The following OSBPL1A variants were observed in gnomAD, a reference collection of about 807,000 sequenced individuals.
The protein encoded by OSBPL1A is oxysterol-binding protein-related protein 1.
Under a neutral mutation model 137.1 loss-of-function variants are expected in OSBPL1A, and 80 were observed. That is an observed-to-expected ratio of 0.58 (90% CI 0.49 to 0.70). The LOEUF is 0.70. Among genes scored for constraint, OSBPL1A ranks in the 30% least tolerant of loss-of-function variants. The pLI, the probability that OSBPL1A is intolerant of heterozygous loss-of-function variation, is 0.00. For missense variants in OSBPL1A, 970 were observed against 1,129.4 expected, an observed-to-expected ratio of 0.86 and a Z score of 2.02; for synonymous variants, 365 against 389.7, an observed-to-expected ratio of 0.94 and a Z score of 0.75.
At chr18:24,329,160 T>C (rs1303075484) in intron 7 of OSBPL1A, among the ~76,000 whole-genome samples, 1 of 151,968 alleles carries the variant, frequency 6.6e-6, no homozygotes. Flanking sequence ...GGCAAAAGGG[T>C]CACTTGAGCT....
Position 24,314,240 on chromosome 18 carries a change from T to C in OSBPL1A, c.969+9A>G, listed in dbSNP as rs2090677071. 1.3e-6 allele frequency: 2 copies of C among 1,560,272 alleles called. No individual in the cohort carries two copies. The highest frequency in any genetic ancestry group is 1.7e-6 in the Non-Finnish European group (2 of 1,145,686). On this transcript the variant is annotated intron_variant, in intron 12 of 27. Transcript: ENST00000319481. ...GTTTTAGGAAAGATACATGAATCCA[T>C]AAGATTACCTCTCTTGACTGCTGAA...
Position 24,252,776 on chromosome 18 carries a change from A to C in OSBPL1A, c.1282-13394T>G, listed in dbSNP as rs369430474. Among the ~76,000 whole-genome samples, 6 of 152,226 alleles carry C rather than the reference A, an allele frequency of 3.9e-5. No individual in the cohort carries two copies. In the East Asian group the frequency reaches 1.2e-3, roughly 29 times the overall value. On this transcript the variant is annotated intron_variant, in intron 15 of 27. Transcript: ENST00000319481. ...TAATAACAACAACTTTTCAAGACAT[A>C]GACAGTATAAGACATAAAAAGGAAC...
At position 24,366,925 on chromosome 18, in the gene OSBPL1A, C is replaced by G. The variant is rs756662383; in HGVS notation, c.249G>C (p.Thr83=). The change falls in exon 4 of 28, where the codon ACG becomes ACC. Residue 83 remains threonine (T), a synonymous_variant. Coordinates refer to ENST00000319481, the MANE Select transcript of OSBPL1A (RefSeq NM_080597.4). Reference sequence around the variant, plus strand: ...CTGTAAAGGCAGCTCGATGAAGCGGCGTGTCTCCCATGTCATTCAACACAT... The same window carrying G: ...CTGTAAAGGCAGCTCGATGAAGCGGGGTGTCTCCCATGTCATTCAACACAT... ...EVNVLNDMGD[T]PLHRAAFTGR... The G allele has an allele frequency of 6.2e-7, 1 of 1,611,770 alleles. No homozygotes were observed. The highest frequency in any genetic ancestry group is 2.2e-5 in the East Asian group (1 of 44,762).
rs540836216 is a variant in OSBPL1A at position 24,331,642 on chromosome 18, C to T, written c.625+1300G>A. On this transcript the variant is annotated intron_variant, in intron 7 of 27. Coordinates refer to ENST00000319481, the MANE Select transcript of OSBPL1A (RefSeq NM_080597.4). ...CGATCTCCTGACCTCGTGATCCGCC[C>T]GCCTCGGCCTCCCAAAGTGCTGGGA... is the stretch of plus-strand genomic sequence containing the variant. 1.2e-4 allele frequency among the ~76,000 whole-genome samples: 18 copies of T among 151,294 alleles called. No individual in the cohort carries two copies. In the East Asian group the frequency reaches 2.2e-3, roughly 18 times the overall value.
chr18:24,384,822 C>T (rs1183313253), intron 1 of OSBPL1A, among the ~76,000 whole-genome samples: 3 of 148,544 alleles, frequency 2.0e-5, no homozygotes, highest in East Asian at 2.0e-4. Flanking sequence ...TGCAGTGAGC[C>T]GAGAACGCGC....
chr18:24,355,006 C>A (rs1200379136), intron 4 of OSBPL1A, among the ~76,000 whole-genome samples: 1 of 152,126 alleles, frequency 6.6e-6, no homozygotes, highest in Non-Finnish European at 1.5e-5. Flanking sequence ...TTTCCCCACA[C>A]CACCCCTTGC....
intron 16 of OSBPL1A, among the ~76,000 whole-genome samples, chr18:24,237,505 A>AT (rs2088524473): frequency 6.6e-6 from 1 of 152,106 alleles, no homozygotes; most frequent in African/African-American, 2.4e-5. Flanking sequence ...GGGTTTCACC[A>AT]TGTTGCCCAG....
chr18:24,166,780 G>A, intron 25 of OSBPL1A, 78 bp from the exon 26 acceptor site: 1 of 1,437,840 alleles, frequency 7.0e-7, no homozygotes, highest in South Asian at 1.3e-5. Flanking sequence ...GTAGAAGAGG[G>A]TTGACTTGAC....
chr18:24,327,321 C>T (rs2091000571), intron 7 of OSBPL1A, among the ~76,000 whole-genome samples: 1 of 151,852 alleles, frequency 6.6e-6, no homozygotes, highest in Admixed American at 6.6e-5. Context: ...TGGCCTTGAA[C>T]TCCTGACCTC....
At chr18:24,281,544 T>G (rs1434497803) in intron 14 of OSBPL1A, among the ~76,000 whole-genome samples, 1 of 151,676 alleles carries the variant, frequency 6.6e-6, no homozygotes, top group Admixed American at 6.6e-5. Flanking sequence ...CACGCTATCA[T>G]GCCTGGCTAA....
rs543324128 is a variant in OSBPL1A, at chr18:24,385,105, C to T, written c.-2-7570G>A. 6.6e-3 allele frequency among the ~76,000 whole-genome samples: 1,000 copies of T among 151,926 alleles called. 10 individuals are homozygous for T. Among genetic ancestry groups the T allele is most frequent in the African/African-American group, 0.023 (951 of 41,468 alleles). On this transcript the variant is annotated intron_variant, in intron 1 of 27. Coordinates refer to ENST00000319481, the MANE Select transcript of OSBPL1A (RefSeq NM_080597.4). ...AAGTAGCTGGGACTACAGGCGCCCG[C>T]CACCACACCCGGCTAATTTTTTGTA...
In OSBPL1A at chr18:24,204,591, T is replaced by A. The variant is rs2087317382; in HGVS notation, c.1602-8391A>T. 2.6e-5 allele frequency among the ~76,000 whole-genome samples: 4 copies of A among 151,472 alleles called. No homozygotes were observed. In the South Asian group the frequency reaches 8.3e-4, roughly 32 times the overall value. ...TTTTTTTTAAACATGATGTTCCCAT[T>A]CTCTAAATGATATATATATATTTCT... On this transcript the variant is annotated intron_variant, in intron 17 of 27. Transcript: ENST00000319481.
chr18:24,163,148 G>A lies in OSBPL1A; in HGVS notation c.*31C>T, dbSNP rs1297836051. On this transcript the variant is annotated 3_prime_UTR_variant, in exon 28 of 28. Transcript: ENST00000319481. ...AACATAGGTTTAAGACTTATTTGTAGATTAGCCAAACACCCTGACTTGTAT... is the reference window on the plus strand; with the variant it reads ...AACATAGGTTTAAGACTTATTTGTAAATTAGCCAAACACCCTGACTTGTAT... 6.7e-7 allele frequency: 1 copy of A among 1,497,242 alleles called. No individual in the cohort carries two copies. The highest frequency in any genetic ancestry group is 2.3e-5 in the East Asian group (1 of 44,174). The allele number at this position is 1,497,242 out of a possible 1,614,324, so 92.7% of individuals were successfully genotyped here.
chr18:24,167,244 C>G (rs897067369), intron 25 of OSBPL1A, 85 bp downstream of exon 25: 56 of 1,289,268 alleles, frequency 4.3e-5, no homozygotes, highest in Non-Finnish European at 5.5e-5. Flanking sequence ...TCCATGCTGC[C>G]TGGGCCGACC....
At chr18:24,177,016 GTCT>G (rs2086468395) in intron 21 of OSBPL1A, among the ~76,000 whole-genome samples, 3 of 152,126 alleles carry the variant, frequency 2.0e-5, no homozygotes, top group African/African-American at 4.8e-5. Flanking sequence ...CCACAACTAG[GTCT>G]TCTTCTGGGG....
intron 9 of OSBPL1A, among the ~76,000 whole-genome samples, chr18:24,318,217 G>A (rs976924926): frequency 2.0e-5 from 3 of 152,000 alleles, no homozygotes; most frequent in Non-Finnish European, 2.9e-5. Flanking sequence ...AGGCCAAGGC[G>A]GGTGGATCAC....
intron 17 of OSBPL1A, among the ~76,000 whole-genome samples, chr18:24,211,705 T>C (rs113360103): frequency 0.047 from 7,132 of 152,078 alleles, 217 homozygotes; most frequent in Middle Eastern, 0.11. Context: ...GTCTCATGCC[T>C]GTAATCCTAG....
chr18:24,327,550 C>G (rs2091003977), intron 7 of OSBPL1A, among the ~76,000 whole-genome samples: 1 of 152,136 alleles, frequency 6.6e-6, no homozygotes, highest in African/African-American at 2.4e-5. Context: ...GCTGGAAGTA[C>G]AGGCACCTGC....
At chr18:24,262,658 C>T (rs1047624400) in intron 15 of OSBPL1A, among the ~76,000 whole-genome samples, 2 of 151,984 alleles carry the variant, frequency 1.3e-5, no homozygotes, top group East Asian at 1.9e-4. Flanking sequence ...ATATATACGC[C>T]GCCATGTAAC....
Sources: gnomAD v4.1 joint callset for allele counts (sites outside exome capture counted in the v4.1 genomes callset) on GRCh38, gnomAD v4.1.1 for gene constraint, MANE v1.5 for transcripts, NCBI Gene and HGNC (gene_info 2026-07-23, HGNC 2026-07-21) for gene names.